CAGE1: variants seen among roughly 807,000 people sequenced by gnomAD.
CAGE1 encodes the protein cancer antigen 1, also known as cancer-associated gene 1 protein.
Under a neutral mutation model 94.9 loss-of-function variants are expected in CAGE1, and 66 were observed. The ratio of observed to expected loss-of-function variants is 0.70; its 90% CI spans 0.57 to 0.85. The LOEUF (loss-of-function observed/expected upper bound fraction) is 0.85, where lower values mean the gene tolerates loss of function less well. Among genes scored for constraint, CAGE1 ranks in the 40% least tolerant of loss-of-function variants. The pLI, the probability that CAGE1 is intolerant of heterozygous loss-of-function variation, is 0.00. For missense variants in CAGE1, 865 were observed against 950.4 expected (o/e 0.91, Z 1.18); for synonymous variants, 319 against 321.0 (o/e 0.99, Z 0.07).
intron 3 of CAGE1, among the ~76,000 whole-genome samples, chr6:7,384,714 GCTCT>G (rs1443222146): frequency 6.6e-6 from 1 of 151,086 alleles, no homozygotes; most frequent in Non-Finnish European, 1.5e-5. Context: ...TCAACACACA[GCTCT>G]CTTTTTTTTT....
At chr6:7,354,760 C>T (rs891962141) in intron 11 of CAGE1, among the ~76,000 whole-genome samples, 8 of 152,172 alleles carry the variant, frequency 5.3e-5, no homozygotes, top group East Asian at 1.9e-4. Context: ...TTGAATACTA[C>T]GATAATGTCC....
At chr6:7,366,196 A>T (rs1475559465) in intron 7 of CAGE1, among the ~76,000 whole-genome samples, 1 of 149,760 alleles carries the variant, frequency 6.7e-6, no homozygotes, top group Non-Finnish European at 1.5e-5. Context: ...CAGTGAGCCG[A>T]GATGGCGCCA....
chr6:7,358,054 A>G (rs868712546), intron 9 of CAGE1, among the ~76,000 whole-genome samples: 1,857 of 123,028 alleles, frequency 0.015, 188 homozygotes, highest in African/African-American at 0.057. Flanking sequence ...ATATATATAT[A>G]TATATATATA....
At chr6:7,334,337 G>A (rs1758873841) in intron 11 of CAGE1, among the ~76,000 whole-genome samples, 1 of 152,172 alleles carries the variant, frequency 6.6e-6, no homozygotes, top group Non-Finnish European at 1.5e-5. Flanking sequence ...ATGTAAAGCA[G>A]CATTCAGATA....
chr6:7,364,740 T>A (rs1760268628), intron 9 of CAGE1, among the ~76,000 whole-genome samples: 1 of 152,114 alleles, frequency 6.6e-6, no homozygotes, highest in African/African-American at 2.4e-5. Flanking sequence ...AGTGCTTGGA[T>A]TACAGGCATG....
chr6:7,346,787 C>T (rs1332151731), intron 11 of CAGE1, among the ~76,000 whole-genome samples: 2 of 150,558 alleles, frequency 1.3e-5, no homozygotes, highest in Non-Finnish European at 3.0e-5. Flanking sequence ...GAGGCAGACA[C>T]TGTGCTACTG....
At chr6:7,346,403 G>A (rs963260768) in intron 11 of CAGE1, among the ~76,000 whole-genome samples, 1 of 151,760 alleles carries the variant, frequency 6.6e-6, no homozygotes, top group African/African-American at 2.4e-5. Flanking sequence ...ATAAATAAAA[G>A]TCACGCATGG....
Position 7,365,498 on chromosome 6 carries a change from G to A in CAGE1, c.2163C>T (p.Tyr721=), listed in dbSNP as rs1760299161. ...PTLLGAKLDK[Y]HSLNEELDFL... is the part of the protein sequence containing the mutation. ...AATCAAGCTCCTCATTTAGACTGTGGTACTTATCCAGTTTGGCTCCCAGAA... is the reference window on the plus strand; with the variant it reads ...AATCAAGCTCCTCATTTAGACTGTGATACTTATCCAGTTTGGCTCCCAGAA... The change falls in exon 9 of 14, where the codon TAC becomes TAT. Residue 721 remains tyrosine (Y), a synonymous_variant. Coordinates refer to ENST00000502583, the MANE Select transcript of CAGE1 (RefSeq NM_001170692.2). The A allele has an allele frequency of 6.2e-7, 1 of 1,613,302 alleles. No homozygotes were observed. The highest frequency in any genetic ancestry group is 1.3e-5 in the African/African-American group (1 of 74,894).
intron 6 of CAGE1, 80 bp from the exon 7 acceptor site, chr6:7,368,878 A>G (rs1760443764): frequency 1.3e-6 from 1 of 745,368 alleles, no homozygotes. Context: ...CATATGAAAC[A>G]AAAACAAATC....
At chr6:7,386,744 G>A (rs1045186296) in intron 2 of CAGE1, among the ~76,000 whole-genome samples, 1 of 152,106 alleles carries the variant, frequency 6.6e-6, no homozygotes, top group African/African-American at 2.4e-5. Context: ...TCGCTTCCAT[G>A]CCTGGCTAAT....
intron 11 of CAGE1, among the ~76,000 whole-genome samples, chr6:7,342,908 GC>G (rs68175782): frequency 0.091 from 13,780 of 152,098 alleles, 1,427 homozygotes; most frequent in African/African-American, 0.25. Context: ...AATAGGGTGT[GC>G]TTTCCCCACT....
chr6:7,371,282 A>G (rs1187730597), intron 5 of CAGE1, among the ~76,000 whole-genome samples: 5 of 152,212 alleles, frequency 3.3e-5, no homozygotes, highest in Non-Finnish European at 7.3e-5. Flanking sequence ...AGAATGTTCA[A>G]GTTTGAAAAC....
Position 7,329,905 on chromosome 6 carries a change from G to A in CAGE1, c.2439-17C>T. On this transcript the variant is annotated splice_polypyrimidine_tract_variant and intron_variant, in intron 12 of 13. Transcript: ENST00000502583. ...CTTTTTGATCTGTAAGAAATAGAAA[G>A]AAAATAATGTAAAAAGGAGGAAGGG... 1 of 1,289,464 alleles carries A rather than the reference G, an allele frequency of 7.8e-7. No individual in the cohort carries two copies. The highest frequency in any genetic ancestry group is 2.0e-5 in the Admixed American group (1 of 49,920). 79.9% of individuals were successfully genotyped at this position (1,289,464 alleles called of 1,614,324 possible). A position where few individuals can be genotyped will look rare whatever the true frequency, so the allele number is the denominator to read the frequency against.
At chr6:7,386,669 C>T (rs1761130279) in intron 2 of CAGE1, among the ~76,000 whole-genome samples, 1 of 152,112 alleles carries the variant, frequency 6.6e-6, no homozygotes, top group South Asian at 2.1e-4. Flanking sequence ...TCCCTGTAAC[C>T]TCTACCTCCC....
At chr6:7,344,203 C>A (rs1267383061) in intron 11 of CAGE1, among the ~76,000 whole-genome samples, 1 of 152,234 alleles carries the variant, frequency 6.6e-6, no homozygotes, top group Admixed American at 6.5e-5. Flanking sequence ...CCTCAGCTTG[C>A]AGGGAGGTGT....
At chr6:7,343,413 CTT>C (rs1188259189) in intron 11 of CAGE1, among the ~76,000 whole-genome samples, 1 of 152,116 alleles carries the variant, frequency 6.6e-6, no homozygotes, top group Non-Finnish European at 1.5e-5. Context: ...TCCAATCAAA[CTT>C]TTTGATCATT....
At chr6:7,365,963 G>A (rs751939586) in intron 7 of CAGE1, 79 bp from the exon 8 acceptor site, 18 of 910,694 alleles carry the variant, frequency 2.0e-5, no homozygotes, top group South Asian at 1.8e-4. Flanking sequence ...TAATCAAACC[G>A]GGCCGGGCGT....
intron 11 of CAGE1, among the ~76,000 whole-genome samples, chr6:7,344,123 G>C (rs1249137362): frequency 1.3e-5 from 2 of 152,224 alleles, no homozygotes; most frequent in Admixed American, 1.3e-4. Flanking sequence ...GGTGGCACTT[G>C]AGGAGCCCTT....
intron 3 of CAGE1, among the ~76,000 whole-genome samples, chr6:7,385,233 G>A (rs1289118343): frequency 2.6e-5 from 4 of 151,854 alleles, no homozygotes; most frequent in African/African-American, 9.7e-5. Flanking sequence ...TTGAACTCCC[G>A]ACCTCAGGTG....
Sources: allele counts gnomAD v4.1 joint callset (sites outside exome capture counted in the v4.1 genomes callset), GRCh38; gene constraint gnomAD v4.1.1; transcripts MANE v1.5; gene names NCBI Gene and HGNC (gene_info 2026-07-23, HGNC 2026-07-21).